Variants in OPCML observed in about 807,000 individuals in gnomAD.
OPCML encodes the protein opioid-binding protein/cell adhesion molecule.
OPCML carries 13 observed loss-of-function variants against 37.8 expected under a neutral mutation model. That is an observed-to-expected ratio of 0.34 (90% CI 0.22 to 0.55). The LOEUF (loss-of-function observed/expected upper bound fraction) is 0.55. Ranked by LOEUF, OPCML falls within the 20% of genes least tolerant of loss-of-function variation. OPCML has a pLI of 0.91. For missense variants in OPCML, 341 were observed against 435.6 expected (o/e 0.78, Z 1.93); for synonymous variants, 176 against 168.8 (o/e 1.04, Z -0.33).
chr11:132,490,968 A>G (rs946966480), intron 4 of OPCML, among the ~76,000 whole-genome samples: 1 of 152,134 alleles, frequency 6.6e-6, no homozygotes, highest in Non-Finnish European at 1.5e-5. Flanking sequence ...ACATGTGCAC[A>G]GGAACTCAGT....
chr11:132,614,337 G>A (rs772548542), intron 3 of OPCML, among the ~76,000 whole-genome samples: 4 of 152,068 alleles, frequency 2.6e-5, no homozygotes, highest in Non-Finnish European at 4.4e-5. Flanking sequence ...AAATCATACC[G>A]TTTTTAAATT....
At chr11:132,704,920 G>A (rs1943969196) in intron 2 of OPCML, among the ~76,000 whole-genome samples, 1 of 152,346 alleles carries the variant, frequency 6.6e-6, no homozygotes, top group East Asian at 1.9e-4. Context: ...GTTAACATCA[G>A]TGGAAGTTAA....
chr11:133,024,986 G>A (rs1947524620), intron 1 of OPCML: 1 of 985,380 alleles, frequency 1.0e-6, no homozygotes, highest in Non-Finnish European at 1.2e-6. Flanking sequence ...TTAACACACT[G>A]CCCTGATAAT....
intron 2 of OPCML, among the ~76,000 whole-genome samples, chr11:132,756,523 A>C (rs144689297): frequency 3.3e-5 from 5 of 152,314 alleles, no homozygotes; most frequent in African/African-American, 1.2e-4. Context: ...ATTTAGCACT[A>C]AGGAGAGCTC....
intron 1 of OPCML, among the ~76,000 whole-genome samples, chr11:133,419,049 C>T (rs1435334058): frequency 1.3e-5 from 2 of 152,198 alleles, no homozygotes; most frequent in African/African-American, 4.8e-5. Context: ...TAGCCCCCTG[C>T]CCACCAAACT....
At chr11:132,642,372 A>G (rs59073017) in intron 3 of OPCML, among the ~76,000 whole-genome samples, 6,780 of 152,304 alleles carry the variant, frequency 0.045, 360 homozygotes, top group African/African-American at 0.13. Flanking sequence ...AACTAGTTAT[A>G]AGAAGAATAT....
chr11:133,441,106 A>C (rs1369329394), intron 1 of OPCML, among the ~76,000 whole-genome samples: 1 of 151,878 alleles, frequency 6.6e-6, no homozygotes, highest in African/African-American at 2.4e-5. Context: ...ATGTATAAAA[A>C]TCAATTATTA....
At position 133,177,830 on chromosome 11, in the gene OPCML, A is replaced by T. The variant is rs529630584; in HGVS notation, c.62-234820T>A. On this transcript the variant is annotated intron_variant, in intron 1 of 7. Transcript: ENST00000524381. The surrounding 1 kb of genome is among the most constrained non-coding windows in gnomAD (Gnocchi z 5.0). The stretch of plus-strand genomic sequence containing the variant: ...CAAAGCATCAAATTAAACATTCAAG[A>T]TCACTTACTGCAGACTTTCATTTAC... 5.9e-5 allele frequency among the ~76,000 whole-genome samples: 9 copies of T among 152,302 alleles called. No individual in the cohort carries two copies. Among genetic ancestry groups the T allele is most frequent in the African/African-American group, 2.2e-4 (9 of 41,570 alleles).
chr11:132,690,826 A>G (rs1365142548), intron 2 of OPCML, among the ~76,000 whole-genome samples: 1 of 152,208 alleles, frequency 6.6e-6, no homozygotes, highest in Non-Finnish European at 1.5e-5. Flanking sequence ...ACCCAGCAGG[A>G]TTTCGGACTA....
At chr11:133,247,544 C>CTT (rs1555122397) in intron 1 of OPCML, among the ~76,000 whole-genome samples, 2 of 70,442 alleles carry the variant, frequency 2.8e-5, no homozygotes, top group African/African-American at 6.8e-5. Context: ...CCTTCTTTTT[C>CTT]TTTCTTTCTT....
intron 3 of OPCML, among the ~76,000 whole-genome samples, chr11:132,563,545 C>G (rs533731869): frequency 8.6e-5 from 13 of 150,808 alleles, no homozygotes; most frequent in Middle Eastern, 3.4e-3. Context: ...TTGCCCAACA[C>G]TGGGAATGTA....
At chr11:132,893,981 C>G (rs187439564) in intron 2 of OPCML, among the ~76,000 whole-genome samples, 1 of 152,184 alleles carries the variant, frequency 6.6e-6, no homozygotes, top group African/African-American at 2.4e-5. Flanking sequence ...CACACACACA[C>G]AAGCACATGC....
chr11:132,778,456 C>T (rs1040208496), intron 2 of OPCML, among the ~76,000 whole-genome samples: 1 of 152,176 alleles, frequency 6.6e-6, no homozygotes, highest in African/African-American at 2.4e-5. Flanking sequence ...ATCATGACCT[C>T]AAGAACATAT....
chr11:133,341,005 C>T (rs918661332), intron 1 of OPCML, among the ~76,000 whole-genome samples: 4 of 151,982 alleles, frequency 2.6e-5, no homozygotes, highest in African/African-American at 9.7e-5. Context: ...ACTGCCTATC[C>T]CCCTTCTTCT....
chr11:133,471,456 A>T (rs947294158), intron 1 of OPCML, among the ~76,000 whole-genome samples: 4 of 152,312 alleles, frequency 2.6e-5, no homozygotes, highest in Middle Eastern at 3.4e-3. Flanking sequence ...TAGAGAGAAT[A>T]TTGGCTTGTA....
chr11:133,292,915 G>A (rs1592173795), intron 1 of OPCML, among the ~76,000 whole-genome samples: 1 of 152,132 alleles, frequency 6.6e-6, no homozygotes, highest in Admixed American at 6.5e-5. Context: ...ACCGTGGGCT[G>A]GGGAAGAGAG....
intron 1 of OPCML, among the ~76,000 whole-genome samples, chr11:133,501,303 G>T (rs1445028718): frequency 6.6e-6 from 1 of 152,156 alleles, no homozygotes; most frequent in East Asian, 1.9e-4. Context: ...CCACGGTACA[G>T]TGCGGCTAGT....
chr11:133,152,449 G>C (rs1301230441), intron 1 of OPCML, among the ~76,000 whole-genome samples: 1 of 152,112 alleles, frequency 6.6e-6, no homozygotes, highest in Non-Finnish European at 1.5e-5. Flanking sequence ...AGAGACTTCT[G>C]CATCCACATC....
At chr11:133,146,503 C>T (rs1028290013) in intron 1 of OPCML, among the ~76,000 whole-genome samples, 7 of 151,980 alleles carry the variant, frequency 4.6e-5, no homozygotes, top group East Asian at 1.9e-4. Flanking sequence ...TTAGTAGAGG[C>T]GGAGTTTCAC....
Sources: allele counts gnomAD v4.1 joint callset (sites outside exome capture counted in the v4.1 genomes callset), GRCh38; gene constraint gnomAD v4.1.1; non-coding constraint Gnocchi (gnomAD v3.1); transcripts MANE v1.5; gene names NCBI Gene and HGNC (gene_info 2026-07-23, HGNC 2026-07-21).